CFAP77: variants seen among roughly 807,000 people sequenced by gnomAD.
CFAP77 encodes cilia- and flagella-associated protein 77.
In CFAP77, 25 loss-of-function variants were observed where a neutral mutation model predicts 31.1. The ratio of observed to expected loss-of-function variants is 0.80; its 90% confidence interval spans 0.59 to 1.12. The LOEUF is 1.12. CFAP77 is among the 50% of genes most tolerant of loss of function. CFAP77 has a pLI of 0.00. For missense variants in CFAP77, 377 were observed against 397.3 expected, an observed-to-expected ratio of 0.95 and a Z score of 0.44; for synonymous variants, 151 against 159.9, an observed-to-expected ratio of 0.94 and a Z score of 0.42.
chr9:132,531,624 A>G (rs1181654926), intron 3 of CFAP77, among the ~76,000 whole-genome samples: 1 of 80,840 alleles, frequency 1.2e-5, no homozygotes, highest in Non-Finnish European at 2.3e-5. Flanking sequence ...AGGCTAAGAC[A>G]TGGGGGGGGG....
At chr9:132,489,712 G>A (rs548690653) in intron 1 of CFAP77, among the ~76,000 whole-genome samples, 3 of 152,142 alleles carry the variant, frequency 2.0e-5, no homozygotes, top group African/African-American at 7.2e-5. Context: ...GCCAGGCCAC[G>A]CCAGCTGTCC....
intron 3 of CFAP77, among the ~76,000 whole-genome samples, chr9:132,531,192 C>A (rs779046223): frequency 4.6e-5 from 7 of 152,224 alleles, no homozygotes; most frequent in African/African-American, 1.7e-4. Flanking sequence ...CTCCTTCCCC[C>A]CTTCCCTCCC....
At chr9:132,514,169 G>A (rs1852101736) in intron 3 of CFAP77, among the ~76,000 whole-genome samples, 1 of 151,976 alleles carries the variant, frequency 6.6e-6, no homozygotes, top group Non-Finnish European at 1.5e-5. Flanking sequence ...TGACAGTGAG[G>A]AGACGCCCCT....
chr9:132,469,180 C>T lies in CFAP77; in HGVS notation c.196-29515C>T, dbSNP rs142254000. Among the ~76,000 whole-genome samples the T allele has an allele frequency of 1.2e-3, 190 of 152,268 alleles. 2 individuals are homozygous for T. The East Asian group carries it at 0.027, about 22-fold the overall frequency. On this transcript the variant is annotated intron_variant, in intron 1 of 5. Transcript: ENST00000393216. ...AGCTCTCTGTGAGAAGCCGGAGTAC[C>T]AGGGGCGGAGACCCAGCCATGAGAA...
intron 1 of CFAP77, among the ~76,000 whole-genome samples, chr9:132,417,196 C>T (rs868541175): frequency 2.7e-5 from 4 of 150,840 alleles, no homozygotes; most frequent in Middle Eastern, 6.8e-3. Flanking sequence ...CTCACTGCAA[C>T]GTCTGCCTCC....
In CFAP77 at chr9:132,531,251, T is replaced by C. The variant is rs73659076; in HGVS notation, c.525-6350T>C. On this transcript the variant is annotated intron_variant, in intron 3 of 5. Transcript: ENST00000393216. ...TCAGTCTTTTTCAACAAGAAATAAT[T>C]ACTGAGAGCAGCACTGTGCCAGTTC... Among the ~76,000 whole-genome samples, 1,464 of 152,322 alleles carry C rather than the reference T, an allele frequency of 9.6e-3. 25 individuals carry two copies. Among genetic ancestry groups the C allele is most frequent in the African/African-American group, 0.034 (1,410 of 41,578 alleles).
chr9:132,505,343 CT>C (rs753836168), intron 3 of CFAP77, among the ~76,000 whole-genome samples: 26 of 152,228 alleles, frequency 1.7e-4, no homozygotes, highest in Non-Finnish European at 2.4e-4. Context: ...TATTCAATTA[CT>C]TCCTTCCCAG....
At chr9:132,442,836 A>C (rs1589852729) in intron 1 of CFAP77, among the ~76,000 whole-genome samples, 2 of 151,952 alleles carry the variant, frequency 1.3e-5, no homozygotes, top group African/African-American at 4.8e-5. Flanking sequence ...GCCACCACAC[A>C]CGGCCAAACC....
intron 1 of CFAP77, among the ~76,000 whole-genome samples, chr9:132,461,173 G>C (rs1309825568): frequency 6.6e-6 from 1 of 152,242 alleles, no homozygotes. Context: ...TTTAAGAACA[G>C]TAACAGTGAC....
At chr9:132,459,667 T>C (rs568121562) in intron 1 of CFAP77, among the ~76,000 whole-genome samples, 2 of 152,014 alleles carry the variant, frequency 1.3e-5, no homozygotes, top group East Asian at 3.9e-4. Context: ...GTCTCATGTG[T>C]GCATATTTAT....
chr9:132,571,901 T>A (rs1829963950), intron 5 of CFAP77, among the ~76,000 whole-genome samples: 1 of 134,962 alleles, frequency 7.4e-6, no homozygotes, highest in Non-Finnish European at 1.6e-5. Flanking sequence ...TTTTTTTTTC[T>A]GATTTATTCT....
chr9:132,453,990 A>G (rs1850873469), intron 1 of CFAP77, among the ~76,000 whole-genome samples: 1 of 152,238 alleles, frequency 6.6e-6, no homozygotes, highest in Non-Finnish European at 1.5e-5. Flanking sequence ...CCTAATAAGT[A>G]GGTTGCCCAG....
rs1356650553 is a variant in CFAP77 at position 132,516,896 on chromosome 9, G to A, written c.524+17296G>A. 3.3e-5 allele frequency among the ~76,000 whole-genome samples: 5 copies of A among 152,328 alleles called. No homozygotes were observed. In the South Asian group the frequency reaches 6.2e-4, roughly 19 times the overall value. On this transcript the variant is annotated intron_variant, in intron 3 of 5. Coordinates refer to ENST00000393216, the MANE Select transcript of CFAP77 (RefSeq NM_001282957.2). ...GAAAAAAACCACGGTGAAACTGTAG[G>A]CACAAGCAAAGTGCTCAGTAAACAG...
intron 5 of CFAP77, among the ~76,000 whole-genome samples, chr9:132,543,949 C>T (rs979523588): frequency 7.9e-5 from 12 of 152,158 alleles, no homozygotes; most frequent in Non-Finnish European, 1.6e-4. Flanking sequence ...GGGGGAGGTG[C>T]GTGTGTCCAG....
At chr9:132,450,325 C>A (rs147269577) in intron 1 of CFAP77, among the ~76,000 whole-genome samples, 1 of 150,292 alleles carries the variant, frequency 6.7e-6, no homozygotes, top group East Asian at 1.9e-4. Flanking sequence ...GAGAAGGATG[C>A]AATGTGTGAG....
Position 132,471,908 on chromosome 9 carries a change from A to G in CFAP77, c.196-26787A>G, listed in dbSNP as rs1851266447. ...TTATTATTATTTTTGTAGACACAGG[A>G]TTTCACCATGTTGCCCAGGCTAGGC... On this transcript the variant is annotated intron_variant, in intron 1 of 5. Coordinates refer to ENST00000393216, the MANE Select transcript of CFAP77 (RefSeq NM_001282957.2). Among the ~76,000 whole-genome samples the G allele has an allele frequency of 2.6e-5, 4 of 151,966 alleles. No individual in the cohort carries two copies. The South Asian group carries it at 8.3e-4, about 32-fold the overall frequency.
At position 132,499,880 on chromosome 9, in the gene CFAP77, G is replaced by A. The variant is rs1243328066; in HGVS notation, c.524+280G>A. Among the ~76,000 whole-genome samples, 1 of 152,156 alleles carries A rather than the reference G, an allele frequency of 6.6e-6. No individual in the cohort carries two copies. The highest frequency in any genetic ancestry group is 6.5e-5 in the Admixed American group (1 of 15,286). On this transcript the variant is annotated intron_variant, in intron 3 of 5. Coordinates refer to ENST00000393216, the MANE Select transcript of CFAP77 (RefSeq NM_001282957.2). The surrounding 1 kb of genome is among the most constrained non-coding windows in gnomAD (Gnocchi z 5.4). ...GAGACCTGTCCCTGGGCCAGGCCCA[G>A]TGACTCATCTCTGTAATCCTAGCAC... is the stretch of plus-strand genomic sequence containing the variant.
chr9:132,561,371 C>CA (rs955022095), intron 5 of CFAP77, among the ~76,000 whole-genome samples: 1 of 151,608 alleles, frequency 6.6e-6, no homozygotes, highest in Non-Finnish European at 1.5e-5. Flanking sequence ...GTTTTCCCCC[C>CA]CCAAATCCTC....
At chr9:132,568,980 G>A (rs1453408728) in intron 5 of CFAP77, among the ~76,000 whole-genome samples, 2 of 152,186 alleles carry the variant, frequency 1.3e-5, no homozygotes, top group African/African-American at 4.8e-5. Flanking sequence ...GATTACAGGT[G>A]TGAGTCACCT....
Sources: allele counts gnomAD v4.1 joint callset (sites outside exome capture counted in the v4.1 genomes callset), GRCh38; gene constraint gnomAD v4.1.1; non-coding constraint Gnocchi (gnomAD v3.1); transcripts MANE v1.5; gene names NCBI Gene and HGNC (gene_info 2026-07-23, HGNC 2026-07-21).